LMBR1: variants seen among roughly 807,000 people sequenced by gnomAD.
LMBR1 encodes limb development membrane protein 1, also known as limb region 1 protein homolog.
A neutral mutation model predicts 73.9 loss-of-function variants in LMBR1; 52 were observed. The ratio of observed to expected loss-of-function variants is 0.70; its 90% CI spans 0.56 to 0.89. The LOEUF is 0.89. Among genes scored for constraint, LMBR1 ranks in the 40% least tolerant of loss-of-function variants. The pLI is 0.00. For synonymous variants in LMBR1, 215 were observed against 209.4 expected (o/e 1.03, Z -0.23); for missense variants, 539 against 579.8 (o/e 0.93, Z 0.72).
At chr7:156,676,826 A>G (rs1000532362), downstream of LMBR1, 5 of 589,242 alleles carry the variant, frequency 8.5e-6, no homozygotes, top group African/African-American at 1.9e-5. Context: ...CATCCCACCT[A>G]ATTTTAATCT....
intron 1 of LMBR1, among the ~76,000 whole-genome samples, chr7:156,847,744 A>C (rs886589516): frequency 1.3e-4 from 20 of 152,208 alleles, no homozygotes; most frequent in Non-Finnish European, 1.5e-5. Context: ...AATGACTAAA[A>C]TCCAGAATAC....
intron 8 of LMBR1, among the ~76,000 whole-genome samples, chr7:156,758,663 G>A (rs11760629): frequency 0.1 from 15,631 of 152,142 alleles, 1,060 homozygotes; most frequent in East Asian, 0.28. Context: ...AATGCTCCTC[G>A]TTTGCCTCTC....
At chr7:156,777,418 A>G (rs905599733) in intron 5 of LMBR1, among the ~76,000 whole-genome samples, 24 of 152,046 alleles carry the variant, frequency 1.6e-4, no homozygotes, top group South Asian at 2.1e-4. Flanking sequence ...CTTTCGTTCT[A>G]TAAAAGAAAA....
chr7:156,809,579 C>T (rs1056051043), intron 4 of LMBR1, among the ~76,000 whole-genome samples: 4 of 152,142 alleles, frequency 2.6e-5, no homozygotes, highest in African/African-American at 9.7e-5. Context: ...GAAGAAAAAA[C>T]TCTGTACATG....
Position 156,750,517 on chromosome 7 carries a change from C to G in LMBR1, c.757+5876G>C, listed in dbSNP as rs527389534. Reference sequence around the variant, plus strand: ...TCCAGTGCACGTGGTCTTCCTGCCTCTCAACGTTGGTGTGTCCTTGGCAGT... The same window carrying G: ...TCCAGTGCACGTGGTCTTCCTGCCTGTCAACGTTGGTGTGTCCTTGGCAGT... On this transcript the variant is annotated intron_variant, in intron 9 of 16. Transcript: ENST00000353442. 2.6e-5 allele frequency among the ~76,000 whole-genome samples: 4 copies of G among 152,302 alleles called. No homozygotes were observed. In the South Asian group the frequency reaches 8.3e-4, roughly 32 times the overall value.
intron 4 of LMBR1, among the ~76,000 whole-genome samples, chr7:156,819,473 T>C (rs1288607788): frequency 6.6e-6 from 1 of 152,210 alleles, no homozygotes; most frequent in African/African-American, 2.4e-5. Flanking sequence ...TGACTTTTAT[T>C]CCTTCAATCA....
intron 15 of LMBR1, among the ~76,000 whole-genome samples, chr7:156,720,760 G>C (rs1020588756): frequency 2.6e-5 from 4 of 151,522 alleles, no homozygotes; most frequent in African/African-American, 9.7e-5. Context: ...TTTTTGGTGA[G>C]AAATTTTCAA....
rs1804391988 is a variant in LMBR1, at chr7:156,678,132, GCCATCCACCCCGTAAACCTT to G, written c.*5926_*5945del. 6.6e-6 allele frequency: 1 copy of G among 152,414 alleles called. No individual in the cohort carries two copies. Among genetic ancestry groups the G allele is most frequent in the East Asian group, 1.9e-4 (1 of 5,192 alleles). The allele number at this position is 152,414 out of a possible 1,614,324, so 9.4% of individuals were successfully genotyped here. On this transcript the variant is annotated 3_prime_UTR_variant, in exon 17 of 17. Transcript: ENST00000353442. The stretch of plus-strand genomic sequence containing the variant: ...CTTTCTCATCACATCTGTGAGCCAT[GCCATCCACCCCGTAAACCTT>G]CCGTGCCTATGTTGGCAGAGTCCAT...
intron 15 of LMBR1, among the ~76,000 whole-genome samples, chr7:156,688,609 C>A (rs1806472332): frequency 6.6e-6 from 1 of 152,018 alleles, no homozygotes; most frequent in African/African-American, 2.4e-5. Flanking sequence ...ATCCTTACAC[C>A]TCCTCTGCTG....
chr7:156,748,769 G>A (rs770503836), intron 9 of LMBR1, among the ~76,000 whole-genome samples: 4 of 152,090 alleles, frequency 2.6e-5, no homozygotes, highest in South Asian at 2.1e-4. Context: ...GATTACAGGC[G>A]TGAGCCACTG....
intron 1 of LMBR1, among the ~76,000 whole-genome samples, chr7:156,853,230 A>G (rs1796492128): frequency 1.3e-5 from 2 of 152,010 alleles, no homozygotes; most frequent in Non-Finnish European, 2.9e-5. Flanking sequence ...GAGCCACCGC[A>G]CCCGGCCGAA....
intron 2 of LMBR1, among the ~76,000 whole-genome samples, chr7:156,835,621 G>A (rs1837478617): frequency 6.7e-6 from 1 of 149,036 alleles, no homozygotes; most frequent in Non-Finnish European, 1.5e-5. Flanking sequence ...CTTGCACCCA[G>A]AAGGTGGAGG....
intron 9 of LMBR1, among the ~76,000 whole-genome samples, chr7:156,750,881 T>C (rs1284484765): frequency 1.3e-5 from 2 of 152,140 alleles, no homozygotes; most frequent in Non-Finnish European, 2.9e-5. Context: ...AGGCCAAGGC[T>C]GGCAGATCGC....
chr7:156,676,668 G>A (rs759690595), downstream of LMBR1: 1 of 1,601,680 alleles, frequency 6.2e-7, no homozygotes, highest in Non-Finnish European at 8.6e-7. Context: ...TCATAGTCAA[G>A]GAAAGTTAGG....
intron 1 of LMBR1, among the ~76,000 whole-genome samples, chr7:156,850,976 T>C (rs751575411): frequency 6.6e-6 from 1 of 152,126 alleles, no homozygotes; most frequent in African/African-American, 2.4e-5. Context: ...GTTTAAGGAC[T>C]TTGGCACCTC....
At chr7:156,728,158 C>A in intron 11 of LMBR1, 151 bp from the exon 12 acceptor site, 1 of 583,060 alleles carries the variant, frequency 1.7e-6, no homozygotes, top group Admixed American at 3.1e-5. Context: ...AGACTACAAA[C>A]AAGAACTGAA....
At chr7:156,833,216 T>C (rs756983404) in intron 3 of LMBR1, among the ~76,000 whole-genome samples, 8 of 152,216 alleles carry the variant, frequency 5.3e-5, no homozygotes. Flanking sequence ...CTTTCCTACA[T>C]AGGTGCATCT....
At chr7:156,781,954 C>T (rs967933662) in intron 5 of LMBR1, among the ~76,000 whole-genome samples, 2 of 152,352 alleles carry the variant, frequency 1.3e-5, no homozygotes, top group East Asian at 3.8e-4. Flanking sequence ...TATTCACCAA[C>T]TGAAACTCTG....
At chr7:156,857,752 A>T (rs1797169056) in intron 1 of LMBR1, among the ~76,000 whole-genome samples, 1 of 152,202 alleles carries the variant, frequency 6.6e-6, no homozygotes, top group African/African-American at 2.4e-5. Flanking sequence ...AATTCCTAAC[A>T]ACTATGCTCT....
Sources: allele counts gnomAD v4.1 joint callset (sites outside exome capture counted in the v4.1 genomes callset), GRCh38; gene constraint gnomAD v4.1.1; transcripts MANE v1.5; gene names NCBI Gene and HGNC (gene_info 2026-07-23, HGNC 2026-07-21).